Variants in UNC79 observed in about 807,000 individuals in gnomAD.
UNC79 encodes protein unc-79 homolog.
Under a neutral mutation model 283.1 loss-of-function variants are expected in UNC79, and 37 were observed. That is an observed-to-expected ratio of 0.13 (90% CI 0.10 to 0.17). UNC79 has a LOEUF of 0.17. UNC79 is among the 10% of genes least tolerant of loss of function. The probability of loss-of-function intolerance (pLI) is 1.00; values close to 1 mark genes in which losing one functional copy is unlikely to be tolerated. For synonymous variants in UNC79, 1,107 were observed against 1,200.2 expected (o/e 0.92, Z 1.61); for missense variants, 2,272 against 3,211.1 (o/e 0.71, Z 7.07).
At chr14:93,435,871 C>T (rs987643146) in intron 1 of UNC79, among the ~76,000 whole-genome samples, 2 of 152,010 alleles carry the variant, frequency 1.3e-5, no homozygotes, top group East Asian at 1.9e-4. Context: ...GTTTTCTTCC[C>T]CCTCATCGTC....
At position 93,690,428 on chromosome 14, in the gene UNC79, AAC is replaced by A; in HGVS notation, c.7272+129_7272+130del. ...CATTTGCCCTCCTGTGGATGTTAGA[AAC>A]ACAACTTTGTGCTAATGTCTTATTT... On this transcript the variant is annotated intron_variant, in intron 45 of 48. Coordinates refer to ENST00000555664, the Ensembl canonical transcript of UNC79. This position sits in a 1 kb window ranked among gnomAD's most constrained non-coding sequence, Gnocchi z 4.3. 1 of 1,115,790 alleles carries A rather than the reference AAC, an allele frequency of 9.0e-7. No homozygotes were observed. Among genetic ancestry groups the A allele is most frequent in the Non-Finnish European group, 1.2e-6 (1 of 802,946 alleles). The allele number at this position is 1,115,790 out of a possible 1,614,324, so 69.1% of individuals were successfully genotyped here.
At position 93,430,709 on chromosome 14, in the gene UNC79, G is replaced by C; in HGVS notation, c.-321G>C. 1 of 272,994 alleles carries C rather than the reference G, an allele frequency of 3.7e-6. No individual in the cohort carries two copies. Among genetic ancestry groups the C allele is most frequent in the Non-Finnish European group, 7.1e-6 (1 of 141,050 alleles). The allele number at this position is 272,994 out of a possible 1,614,324, so 16.9% of individuals were successfully genotyped here. A position where few individuals can be genotyped will look rare whatever the true frequency, so the allele number is the denominator to read the frequency against. ...CGAGCCCATTTTCCCATTTCACCAG[G>C]AGCCGCAGCCTGCTCTCTCCTTTCG... On this transcript the variant is annotated 5_prime_UTR_variant, in exon 1 of 49. Coordinates refer to ENST00000555664, the Ensembl canonical transcript of UNC79. The surrounding 1 kb of genome is among the most constrained non-coding windows in gnomAD (Gnocchi z 4.6).
chr14:93,567,089 G>T (rs761384194), intron 14 of UNC79, among the ~76,000 whole-genome samples: 7 of 152,200 alleles, frequency 4.6e-5, no homozygotes, highest in Non-Finnish European at 7.3e-5. Context: ...TGGAGGTTAT[G>T]AATGGACCAT....
At chr14:93,510,087 T>A (rs934154522) in intron 7 of UNC79, among the ~76,000 whole-genome samples, 7 of 152,220 alleles carry the variant, frequency 4.6e-5, no homozygotes, top group African/African-American at 1.7e-4. Flanking sequence ...TTGCACTCTC[T>A]GGAGCAGTGG....
At chr14:93,335,335 G>T (rs1171507276) in intron 1 of UNC79, among the ~76,000 whole-genome samples, 1 of 152,218 alleles carries the variant, frequency 6.6e-6, no homozygotes, top group Non-Finnish European at 1.5e-5. Context: ...TCAGAATTTA[G>T]ATGTTTATTT....
At chr14:93,342,780 T>G (rs1022344793) in intron 1 of UNC79, among the ~76,000 whole-genome samples, 1 of 152,244 alleles carries the variant, frequency 6.6e-6, no homozygotes, top group Non-Finnish European at 1.5e-5. Context: ...GGAAATTTCT[T>G]CTGCCAGATA....
chr14:93,659,760 A>T (rs913608366), intron 39 of UNC79, among the ~76,000 whole-genome samples: 1 of 152,240 alleles, frequency 6.6e-6, no homozygotes, highest in African/African-American at 2.4e-5. Flanking sequence ...ACTGTTTGTT[A>T]TCATATGGCA....
chr14:93,494,299 A>G (rs569465384), intron 5 of UNC79, among the ~76,000 whole-genome samples: 1 of 152,234 alleles, frequency 6.6e-6, no homozygotes, highest in East Asian at 1.9e-4. Flanking sequence ...CCATGATCCA[A>G]TCACCTTCTG....
chr14:93,525,468 A>C (rs1238566898), intron 8 of UNC79, among the ~76,000 whole-genome samples: 1 of 151,968 alleles, frequency 6.6e-6, no homozygotes, highest in African/African-American at 2.4e-5. Flanking sequence ...AAGAGCAGGT[A>C]ATGATGACCC....
chr14:93,333,483 C>A (rs956786670), exon 1 of UNC79: 3 of 398,488 alleles, frequency 7.5e-6, no homozygotes, highest in African/African-American at 6.2e-5. Flanking sequence ...ACAGTCCTGG[C>A]ATTCCGGTGG....
At chr14:93,372,577 T>A (rs926035842) in intron 1 of UNC79, among the ~76,000 whole-genome samples, 4 of 152,328 alleles carry the variant, frequency 2.6e-5, no homozygotes, top group South Asian at 4.1e-4. Context: ...CAGGAGAAAT[T>A]TGTGCATTAC....
At chr14:93,548,793 A>C (rs1164172152) in intron 14 of UNC79, among the ~76,000 whole-genome samples, 1 of 152,230 alleles carries the variant, frequency 6.6e-6, no homozygotes. Context: ...AATACTTTGC[A>C]CACAGAGGTT....
exon 14 of UNC79, chr14:93,542,489 G>A (rs771027066): frequency 2.5e-6 from 4 of 1,614,052 alleles, no homozygotes; most frequent in Non-Finnish European, 2.5e-6. Flanking sequence ...CACCCAGTGA[G>A]AACACGCCTA....
In UNC79 at chr14:93,652,014, G is replaced by A. The variant is rs186143716; in HGVS notation, c.6084-1728G>A. On this transcript the variant is annotated intron_variant, in intron 35 of 48. Coordinates refer to ENST00000555664, the Ensembl canonical transcript of UNC79. ...TGACCTCAGGTGATCCACCCACCTC[G>A]GCCTCCCAAAGTGCTGGGATTACAG... Among the ~76,000 whole-genome samples the A allele has an allele frequency of 3.4e-4, 50 of 147,368 alleles. No homozygotes were observed. The East Asian group carries it at 7.2e-3, about 21-fold the overall frequency.
At chr14:93,419,497 T>C (rs949059850) in intron 1 of UNC79, among the ~76,000 whole-genome samples, 3 of 151,696 alleles carry the variant, frequency 2.0e-5, no homozygotes, top group Admixed American at 2.0e-4. Context: ...AAAGACTAAA[T>C]GATGAACTCA....
At chr14:93,342,435 T>C (rs2053733734) in intron 1 of UNC79, among the ~76,000 whole-genome samples, 1 of 152,204 alleles carries the variant, frequency 6.6e-6, no homozygotes, top group South Asian at 2.1e-4. Flanking sequence ...GCCCACCCCA[T>C]GAAGCCATTT....
intron 17 of UNC79, among the ~76,000 whole-genome samples, chr14:93,577,436 TC>T (rs2141687781): frequency 6.6e-6 from 1 of 152,334 alleles, no homozygotes; most frequent in African/African-American, 2.4e-5. Context: ...CCAGAGACCA[TC>T]TTTTAACCAA....
At chr14:93,630,140 A>G (rs1041207681) in intron 30 of UNC79, among the ~76,000 whole-genome samples, 1 of 152,246 alleles carries the variant, frequency 6.6e-6, no homozygotes, top group African/African-American at 2.4e-5. Context: ...AAAATACAAA[A>G]TCTGAATTAA....
intron 11 of UNC79, among the ~76,000 whole-genome samples, chr14:93,536,261 G>A (rs1191741996): frequency 1.3e-5 from 2 of 152,130 alleles, no homozygotes; most frequent in African/African-American, 2.4e-5. Flanking sequence ...GTTTTATGCC[G>A]CTAAATTTTG....
Sources: gnomAD v4.1 joint callset for allele counts (sites outside exome capture counted in the v4.1 genomes callset) on GRCh38, gnomAD v4.1.1 for gene constraint, Gnocchi (gnomAD v3.1) non-coding constraint, MANE v1.5 for transcripts, NCBI Gene and HGNC (gene_info 2026-07-23, HGNC 2026-07-21) for gene names.